COL4A2: variants seen among roughly 807,000 people sequenced by gnomAD.
COL4A2 encodes collagen type IV alpha 2 chain, also known as collagen alpha-2(IV) chain.
In COL4A2, 99 loss-of-function variants were observed where a neutral mutation model predicts 200.2. That is an observed-to-expected ratio of 0.49 (90% CI 0.42 to 0.58). The LOEUF is 0.58. Ranked by LOEUF, COL4A2 falls within the 20% of genes least tolerant of loss-of-function variation. COL4A2 has a pLI of 0.00. For synonymous variants in COL4A2, 897 were observed against 900.6 expected, an observed-to-expected ratio of 1.00 and a Z score of 0.07; for missense variants, 1,950 against 2,314.1, an observed-to-expected ratio of 0.84 and a Z score of 3.23.
intron 28 of COL4A2, among the ~76,000 whole-genome samples, chr13:110,471,656 G>A (rs1359161275): frequency 6.6e-6 from 1 of 152,176 alleles, no homozygotes; most frequent in Non-Finnish European, 1.5e-5. Flanking sequence ...ATTAACGTCA[G>A]GTTAATCCAG....
At chr13:110,340,799 C>G (rs532878209) in intron 3 of COL4A2, among the ~76,000 whole-genome samples, 16 of 152,172 alleles carry the variant, frequency 1.1e-4, no homozygotes, top group African/African-American at 3.9e-4. Context: ...TCGCTTGCTT[C>G]AGGCTCTGCA....
chr13:110,322,335 T>C (rs1291898067), intron 3 of COL4A2, among the ~76,000 whole-genome samples: 1 of 152,106 alleles, frequency 6.6e-6, no homozygotes, highest in Non-Finnish European at 1.5e-5. Flanking sequence ...CCGCACTGAG[T>C]TGGTTTCCTC....
intron 4 of COL4A2, among the ~76,000 whole-genome samples, chr13:110,361,552 A>AC (rs1310628888): frequency 6.6e-6 from 1 of 152,240 alleles, no homozygotes; most frequent in Non-Finnish European, 1.5e-5. Context: ...GACAGCCAAC[A>AC]TCGGAAGTTG....
intron 47 of COL4A2, among the ~76,000 whole-genome samples, chr13:110,510,051 G>A (rs1884034005): frequency 6.6e-6 from 1 of 152,192 alleles, no homozygotes; most frequent in Non-Finnish European, 1.5e-5. Context: ...CAAGCATATG[G>A]TACCACTAGG....
intron 34 of COL4A2, among the ~76,000 whole-genome samples, chr13:110,488,577 C>T (rs987035441): frequency 6.6e-6 from 1 of 152,170 alleles, no homozygotes; most frequent in Non-Finnish European, 1.5e-5. Context: ...CGCACAGCCC[C>T]ATATCTGTGT....
intron 3 of COL4A2, among the ~76,000 whole-genome samples, chr13:110,325,908 C>G (rs893501977): frequency 3.9e-5 from 6 of 152,036 alleles, no homozygotes; most frequent in Non-Finnish European, 5.9e-5. Flanking sequence ...CTCAGCCTCC[C>G]AAGTAGCTGG....
rs201392418 is a variant in COL4A2, at chr13:110,469,218, T to C, written c.2097T>C (p.Gly699=). The change falls in exon 28 of 48, where the codon GGT becomes GGC. Residue 699 remains glycine, a splice_region_variant and synonymous_variant. Coordinates refer to ENST00000360467, the MANE Select transcript of COL4A2 (RefSeq NM_001846.4). ...TTTGTGGTTTATTTGGTTATTTAGG[T>C]GCCAAAGGCCTCCGAGGAATCCCAG... The part of the protein sequence containing the change: ...PGLPGPPGPT[G]AKGLRGIPGF... The C allele has an allele frequency of 2.7e-5, 43 of 1,586,380 alleles. No homozygotes were observed. In the African/African-American group the frequency reaches 5.6e-4, roughly 21 times the overall value.
intron 18 of COL4A2, 73 bp from the exon 19 acceptor site, chr13:110,449,606 T>C: frequency 2.1e-6 from 3 of 1,418,492 alleles, no homozygotes; most frequent in Non-Finnish European, 1.9e-6. Flanking sequence ...ATGTAGTCAA[T>C]GAAAAAGTGA....
At chr13:110,337,647 C>G (rs1331136766) in intron 3 of COL4A2, among the ~76,000 whole-genome samples, 3 of 152,200 alleles carry the variant, frequency 2.0e-5, no homozygotes, top group African/African-American at 7.2e-5. Context: ...TAGCCACACC[C>G]TTGCTATCCA....
chr13:110,373,906 G>T, intron 4 of COL4A2, among the ~76,000 whole-genome samples: 1 of 152,220 alleles, frequency 6.6e-6, no homozygotes, highest in East Asian at 1.9e-4. Context: ...GGATGCTAAG[G>T]CTCTTCAAGG....
intron 4 of COL4A2, among the ~76,000 whole-genome samples, chr13:110,376,370 T>C (rs1169741102): frequency 6.6e-6 from 1 of 152,130 alleles, no homozygotes. Context: ...CTGCTTGATA[T>C]CACATGAGCC....
intron 36 of COL4A2, among the ~76,000 whole-genome samples, chr13:110,490,281 A>G (rs1417466384): frequency 2.0e-5 from 3 of 152,234 alleles, no homozygotes; most frequent in African/African-American, 7.2e-5. Context: ...CCTTCTGCAC[A>G]TCACTGAGGT....
intron 45 of COL4A2, among the ~76,000 whole-genome samples, chr13:110,504,558 A>G (rs1883774635): frequency 6.6e-6 from 1 of 152,202 alleles, no homozygotes; most frequent in South Asian, 2.1e-4. Context: ...GAGCCAAAAG[A>G]AACCGACTAT....
intron 4 of COL4A2, among the ~76,000 whole-genome samples, chr13:110,416,990 T>C (rs1880064234): frequency 6.6e-6 from 1 of 151,910 alleles, no homozygotes; most frequent in African/African-American, 2.4e-5. Flanking sequence ...CTTTTCTTTT[T>C]TTTTTTTTTG....
In COL4A2 at chr13:110,489,661, A is replaced by G. The variant is rs779517286; in HGVS notation, c.3272-50A>G. 56 of 1,611,618 alleles carry G rather than the reference A, an allele frequency of 3.5e-5. No individual in the cohort carries two copies. The African/African-American group carries it at 6.3e-4, about 18-fold the overall frequency. ...CAAAATAGAAGTTGCAAAACTCACA[A>G]AGTCCCAGTGGAAAGTCCTGTTCTT... On this transcript the variant is annotated intron_variant, in intron 35 of 47. Coordinates refer to ENST00000360467, the MANE Select transcript of COL4A2 (RefSeq NM_001846.4).
intron 3 of COL4A2, among the ~76,000 whole-genome samples, chr13:110,320,458 G>A (rs1214141350): frequency 2.0e-5 from 3 of 152,206 alleles, no homozygotes; most frequent in African/African-American, 2.4e-5. Flanking sequence ...GAGGGGGAAG[G>A]AAGTCAGATT....
At chr13:110,371,790 C>G (rs2139402264) in intron 4 of COL4A2, among the ~76,000 whole-genome samples, 1 of 152,238 alleles carries the variant, frequency 6.6e-6, no homozygotes, top group Middle Eastern at 3.4e-3. Flanking sequence ...GGCCTGGGCG[C>G]TGCAAAGACT....
At position 110,430,659 on chromosome 13, in the gene COL4A2, T is replaced by C. The variant is rs781472691; in HGVS notation, c.648+52T>C. The C allele has an allele frequency of 5.6e-6, 9 of 1,610,998 alleles. No individual in the cohort carries two copies. In the East Asian group the frequency reaches 2.0e-4, roughly 36 times the overall value. On this transcript the variant is annotated intron_variant, in intron 10 of 47. Coordinates refer to ENST00000360467, the MANE Select transcript of COL4A2 (RefSeq NM_001846.4). ...TCTGGGACCATCGTCCGGTCATCCC[T>C]TCCAGATGCCACTTCTTCAATGGTT...
intron 3 of COL4A2, among the ~76,000 whole-genome samples, chr13:110,330,189 T>C (rs1195423200): frequency 1.3e-5 from 2 of 152,186 alleles, no homozygotes; most frequent in African/African-American, 4.8e-5. Context: ...TGCGAGTCAC[T>C]CTTACAGCTG....
Sources: allele counts gnomAD v4.1 joint callset (sites outside exome capture counted in the v4.1 genomes callset), GRCh38; gene constraint gnomAD v4.1.1; transcripts MANE v1.5; gene names NCBI Gene and HGNC (gene_info 2026-07-23, HGNC 2026-07-21).